AFG2A: variants seen among roughly 807,000 people sequenced by gnomAD.
AFG2A encodes the protein AAA ATPase AFG2A.
chr4:122,926,592 G>A, the AFG2A span, among the ~76,000 whole-genome samples: 1 of 152,140 alleles, frequency 6.6e-6, no homozygotes, highest in South Asian at 2.1e-4. Flanking sequence ...GTACCTTATG[G>A]TTTTCCTTTC....
At chr4:122,935,913 T>G in the AFG2A span, 1 of 1,439,192 alleles carries the variant, frequency 6.9e-7, no homozygotes, top group African/African-American at 1.4e-5. Context: ...TTAAAAATGA[T>G]TGTGTAGTAT....
chr4:123,261,389 A>G, the AFG2A span, among the ~76,000 whole-genome samples: 2 of 152,238 alleles, frequency 1.3e-5, no homozygotes, highest in African/African-American at 4.8e-5. Flanking sequence ...AATAGAAAAT[A>G]TCAGAAAAAA....
At chr4:123,155,365 A>C in the AFG2A span, among the ~76,000 whole-genome samples, 1 of 152,128 alleles carries the variant, frequency 6.6e-6, no homozygotes, top group Non-Finnish European at 1.5e-5. Flanking sequence ...AGCATAAGCC[A>C]CTGCACCCAG....
At chr4:123,269,124 GTT>G in the AFG2A span, among the ~76,000 whole-genome samples, 1 of 152,244 alleles carries the variant, frequency 6.6e-6, no homozygotes, top group South Asian at 2.1e-4. Flanking sequence ...CAGTGTTACT[GTT>G]TTCTATAATT....
the AFG2A span, among the ~76,000 whole-genome samples, chr4:123,103,376 C>T: frequency 6.6e-6 from 1 of 152,038 alleles, no homozygotes; most frequent in Non-Finnish European, 1.5e-5. Context: ...TGCATTAAGT[C>T]TATGCTATGT....
chr4:122,949,709 C>G, the AFG2A span, among the ~76,000 whole-genome samples: 1 of 152,174 alleles, frequency 6.6e-6, no homozygotes, highest in East Asian at 1.9e-4. Context: ...GCCTGGTTTA[C>G]AATACCAAAT....
chr4:123,134,922 C>A, the AFG2A span, among the ~76,000 whole-genome samples: 5 of 152,078 alleles, frequency 3.3e-5, no homozygotes, highest in South Asian at 1.0e-3. Context: ...AGGCCAGAAT[C>A]ACCCTCTTAC....
At chr4:122,993,275 G>A in the AFG2A span, among the ~76,000 whole-genome samples, 4 of 152,006 alleles carry the variant, frequency 2.6e-5, no homozygotes, top group Non-Finnish European at 4.4e-5. Flanking sequence ...TTACGGGTGT[G>A]AACCACAGCA....
the AFG2A span, among the ~76,000 whole-genome samples, chr4:123,048,006 A>AT: frequency 6.6e-6 from 1 of 152,220 alleles, no homozygotes; most frequent in East Asian, 1.9e-4. Flanking sequence ...GCCACATTTA[A>AT]GCCTTTAATA....
the AFG2A span, among the ~76,000 whole-genome samples, chr4:123,299,117 A>ATGTG: frequency 0.062 from 9,160 of 147,138 alleles, 311 homozygotes; most frequent in African/African-American, 0.09. Context: ...GCATCTGCCA[A>ATGTG]TGTGTGTGTG....
the AFG2A span, among the ~76,000 whole-genome samples, chr4:123,015,981 G>A: frequency 1.0e-4 from 3 of 29,944 alleles, 1 homozygote; most frequent in Non-Finnish European, 3.9e-4. Flanking sequence ...CTGGCCGGGC[G>A]GGGGGCTGAC....
At chr4:123,066,438 A>G in the AFG2A span, among the ~76,000 whole-genome samples, 1 of 152,164 alleles carries the variant, frequency 6.6e-6, no homozygotes, top group Admixed American at 6.5e-5. Flanking sequence ...GTCATCTAGT[A>G]CAACCTTTTA....
the AFG2A span, among the ~76,000 whole-genome samples, chr4:122,975,931 G>C: frequency 6.6e-6 from 1 of 152,030 alleles, no homozygotes; most frequent in African/African-American, 2.4e-5. Context: ...ATCTATTTTT[G>C]GTGTATGTTT....
the AFG2A span, among the ~76,000 whole-genome samples, chr4:123,253,356 C>T: frequency 6.6e-5 from 10 of 151,996 alleles, no homozygotes; most frequent in South Asian, 2.1e-4. Flanking sequence ...TGGTGGTGGG[C>T]GCCTGTAATC....
At chr4:122,990,519 CAAAG>C in the AFG2A span, among the ~76,000 whole-genome samples, 2 of 151,800 alleles carry the variant, frequency 1.3e-5, no homozygotes, top group African/African-American at 2.4e-5. Context: ...AAAAACAAAA[CAAAG>C]GAAACTAAAA....
At chr4:123,261,042 C>T in the AFG2A span, among the ~76,000 whole-genome samples, 82 of 152,278 alleles carry the variant, frequency 5.4e-4, no homozygotes, top group Non-Finnish European at 9.3e-4. Flanking sequence ...TGTGTGCTCC[C>T]TATGAGAATC....
chr4:123,016,433 C>A, the AFG2A span, among the ~76,000 whole-genome samples: 14 of 147,442 alleles, frequency 9.5e-5, no homozygotes, highest in South Asian at 2.2e-4. Flanking sequence ...ACGCTCCTCA[C>A]CTCCCAGACG....
the AFG2A span, among the ~76,000 whole-genome samples, chr4:123,273,225 C>T: frequency 1.1e-4 from 16 of 152,028 alleles, no homozygotes; most frequent in African/African-American, 3.6e-4. Context: ...TAATGAGCTA[C>T]GTTAACATTG....
At chr4:122,971,217 G>A in the AFG2A span, among the ~76,000 whole-genome samples, 1 of 152,106 alleles carries the variant, frequency 6.6e-6, no homozygotes, top group Admixed American at 6.6e-5. Flanking sequence ...GACGAGCCTG[G>A]GCAACATAGT....
Sources: allele counts gnomAD v4.1 joint callset (sites outside exome capture counted in the v4.1 genomes callset), GRCh38; gene constraint gnomAD v4.1.1; transcripts MANE v1.5; gene names NCBI Gene and HGNC (gene_info 2026-07-23, HGNC 2026-07-21).